The following SYNE1 variants were observed in gnomAD, a reference collection of about 807,000 sequenced individuals.
SYNE1 encodes the protein nesprin-1.
Under a neutral mutation model 1,111.0 loss-of-function variants are expected in SYNE1, and 616 were observed. The observed-to-expected ratio is 0.55, with a 90% confidence interval of 0.52 to 0.59. The LOEUF (loss-of-function observed/expected upper bound fraction) is 0.59, where lower values mean the gene tolerates loss of function less well. SYNE1 is among the 20% of genes least tolerant of loss of function. The probability of loss-of-function intolerance (pLI) is 0.00; values close to 1 mark genes in which losing one functional copy is unlikely to be tolerated. For missense variants in SYNE1, 10,006 were observed against 10,417.0 expected, an observed-to-expected ratio of 0.96 and a Z score of 1.72; for synonymous variants, 3,855 against 3,825.8, an observed-to-expected ratio of 1.01 and a Z score of -0.28.
intron 98 of SYNE1, among the ~76,000 whole-genome samples, chr6:152,274,273 T>A (rs1358305142): frequency 6.6e-6 from 1 of 152,212 alleles, no homozygotes; most frequent in African/African-American, 2.4e-5. Context: ...TTATATTTTT[T>A]ATTTGCATCT....
At chr6:152,283,098 G>A (rs1750566272) in intron 96 of SYNE1, among the ~76,000 whole-genome samples, 1 of 152,132 alleles carries the variant, frequency 6.6e-6, no homozygotes, top group South Asian at 2.1e-4. Context: ...GCAACAATAT[G>A]AGTAGCCTAG....
intron 11 of SYNE1, among the ~76,000 whole-genome samples, chr6:152,494,955 C>T (rs919172684): frequency 3.3e-5 from 5 of 152,124 alleles, no homozygotes; most frequent in African/African-American, 9.7e-5. Flanking sequence ...ACTGAAGTTT[C>T]CACCTATCAA....
At chr6:152,505,964 T>C (rs1373992107) in intron 8 of SYNE1, among the ~76,000 whole-genome samples, 1 of 152,326 alleles carries the variant, frequency 6.6e-6, no homozygotes, top group East Asian at 1.9e-4. Flanking sequence ...CAATTATATC[T>C]CAAAGTGTTC....
At chr6:152,208,357 G>C in intron 124 of SYNE1, 151 bp from the exon 125 acceptor site, 1 of 722,540 alleles carries the variant, frequency 1.4e-6, no homozygotes, top group Non-Finnish European at 2.4e-6. Context: ...CTCTTACTGG[G>C]TTTTGGGTCT....
chr6:152,339,202 T>A (rs1411368956), intron 75 of SYNE1, 39 bp downstream of exon 75: 5 of 1,609,322 alleles, frequency 3.1e-6, no homozygotes, highest in Non-Finnish European at 4.2e-6. Flanking sequence ...GAGAATATAA[T>A]AAAACAAACA....
intron 3 of SYNE1, among the ~76,000 whole-genome samples, chr6:152,606,764 C>T (rs1311701627): frequency 6.6e-6 from 1 of 151,938 alleles, no homozygotes; most frequent in Admixed American, 6.6e-5. Flanking sequence ...TCTCCTGCCT[C>T]AGCCTCCCAA....
chr6:152,618,500 T>C (rs897706471), intron 3 of SYNE1, among the ~76,000 whole-genome samples: 1 of 152,138 alleles, frequency 6.6e-6, no homozygotes, highest in Non-Finnish European at 1.5e-5. Context: ...AAAGTGCCAG[T>C]GACACATGTG....
rs1274852618 is a variant in SYNE1, at chr6:152,637,320, C to G, written c.-523G>C. ...GTGGGAAGGAAATGTCCCTGAGAGC[C>G]GGGACGCGCTGCCTCCGCTGCCTGG... On this transcript the variant is annotated 5_prime_UTR_variant, in exon 1 of 146. Coordinates refer to ENST00000367255, the MANE Select transcript of SYNE1 (RefSeq NM_182961.4). 6.6e-6 allele frequency: 1 copy of G among 152,352 alleles called. No homozygotes were observed. The highest frequency in any genetic ancestry group is 1.5e-5 in the Non-Finnish European group (1 of 68,136). 9.4% of individuals were successfully genotyped at this position (152,352 alleles called of 1,614,324 possible).
intron 15 of SYNE1, chr6:152,471,974 C>G: frequency 1.6e-6 from 1 of 609,724 alleles, no homozygotes; most frequent in South Asian, 2.0e-5. Context: ...TAGTTCTTTC[C>G]CCTGCCAACA....
At chr6:152,593,844 T>C (rs1266358888) in intron 3 of SYNE1, among the ~76,000 whole-genome samples, 1 of 152,184 alleles carries the variant, frequency 6.6e-6, no homozygotes, top group Non-Finnish European at 1.5e-5. Flanking sequence ...GAAAATCGTA[T>C]GAGATCATTA....
intron 3 of SYNE1, among the ~76,000 whole-genome samples, chr6:152,572,979 C>A (rs138411691): frequency 6.6e-6 from 1 of 152,150 alleles, no homozygotes; most frequent in Non-Finnish European, 1.5e-5. Flanking sequence ...AGGATTCCTT[C>A]TGGGAATGTC....
At chr6:152,190,533 G>A (rs774266939) in intron 127 of SYNE1, among the ~76,000 whole-genome samples, 2 of 152,156 alleles carry the variant, frequency 1.3e-5, no homozygotes, top group Non-Finnish European at 2.9e-5. Flanking sequence ...TGATAGCAAA[G>A]TAAATATGGT....
chr6:152,490,366 C>T (rs1035627477), intron 11 of SYNE1, among the ~76,000 whole-genome samples: 5 of 152,044 alleles, frequency 3.3e-5, no homozygotes, highest in African/African-American at 1.2e-4. Flanking sequence ...CAAGTCTGCA[C>T]GTATATATCC....
intron 106 of SYNE1, among the ~76,000 whole-genome samples, chr6:152,243,796 C>G (rs2086385479): frequency 6.6e-6 from 1 of 152,214 alleles, no homozygotes; most frequent in Non-Finnish European, 1.5e-5. Flanking sequence ...ACATGTGTGT[C>G]TGTGTGACTG....
Position 152,551,484 on chromosome 6 carries a change from A to G in SYNE1, c.68-11463T>C, listed in dbSNP as rs1168018337. Among the ~76,000 whole-genome samples, 4 of 152,188 alleles carry G rather than the reference A, an allele frequency of 2.6e-5. No individual in the cohort carries two copies. In the East Asian group the frequency reaches 7.7e-4, roughly 29 times the overall value. On this transcript the variant is annotated intron_variant, in intron 3 of 145. Coordinates refer to ENST00000367255, the MANE Select transcript of SYNE1 (RefSeq NM_182961.4). ...CTCACATGTACCAGCCGTTCTGCTG[A>G]CCAGCTGTGGATGCAATCTGAGAGG...
chr6:152,427,410 C>T (rs1358802840), intron 38 of SYNE1, among the ~76,000 whole-genome samples: 5 of 152,218 alleles, frequency 3.3e-5, no homozygotes, highest in African/African-American at 4.8e-5. Context: ...TTCCTCAACT[C>T]CTTTGCCAAA....
At position 152,249,217 on chromosome 6, in the gene SYNE1, T is replaced by C; in HGVS notation, c.19516A>G (p.Ile6506Val). ...LFTSLADNKY[I>V]ILQKLANVFE... Reference sequence around the variant, plus strand: ...ACATTTGCCAGTTTTTGCAGAATGATGTATTTGTTGTCAGCCAGTGATGTA... The same window carrying C: ...ACATTTGCCAGTTTTTGCAGAATGACGTATTTGTTGTCAGCCAGTGATGTA... The change falls in exon 105 of 146, where the codon ATC (isoleucine) becomes GTC (valine). Residue 6506 changes from isoleucine (I) to valine (V), a missense_variant. This residue lies in a region of SYNE1 where 2,182 missense variants were observed against 2,287.8 expected (regional missense o/e 0.95). Transcript: ENST00000367255. The C allele has an allele frequency of 6.2e-7, 1 of 1,614,120 alleles. No individual in the cohort carries two copies. Among genetic ancestry groups the C allele is most frequent in the South Asian group, 1.1e-5 (1 of 91,088 alleles).
intron 4 of SYNE1, among the ~76,000 whole-genome samples, chr6:152,532,007 T>C (rs1165463773): frequency 6.6e-6 from 1 of 152,248 alleles, no homozygotes; most frequent in African/African-American, 2.4e-5. Context: ...TTTTTGTAGA[T>C]ATATACCCAG....
In SYNE1 at chr6:152,484,868, C is replaced by T. The variant is rs763005274; in HGVS notation, c.1152G>A (p.Leu384=). Residue 384 remains leucine, a synonymous_variant, in exon 13 of 146, where the codon TTG becomes TTA. Coordinates refer to ENST00000367255, the MANE Select transcript of SYNE1 (RefSeq NM_182961.4). The part of the protein sequence containing the change: ...RDGKLSLDQA[L]VKQSWDRVTS... ...TCACTCTATCCCAAGATTGTTTTAC[C>T]AATGCTTGGTCAAGTGACAATTTAC... 6.2e-7 allele frequency: 1 copy of T among 1,613,676 alleles called. No individual in the cohort carries two copies. The highest frequency in any genetic ancestry group is 1.3e-5 in the African/African-American group (1 of 74,856).
Sources: gnomAD v4.1 joint callset for allele counts (sites outside exome capture counted in the v4.1 genomes callset) on GRCh38, gnomAD v4.1.1 for gene constraint, gnomAD v4.1.1 regional missense constraint, MANE v1.5 for transcripts, NCBI Gene and HGNC (gene_info 2026-07-23, HGNC 2026-07-21) for gene names.